The following FILIP1 variants were observed in gnomAD, a reference collection of about 807,000 sequenced individuals.
The protein encoded by FILIP1 is filamin A interacting protein 1.
FILIP1 carries 61 observed loss-of-function variants against 102.1 expected under a neutral mutation model. The observed-to-expected ratio is 0.60, with a 90% confidence interval of 0.49 to 0.74. The LOEUF (loss-of-function observed/expected upper bound fraction) is 0.74, where lower values mean the gene tolerates loss of function less well. Ranked by LOEUF, FILIP1 falls within the 30% of genes least tolerant of loss-of-function variation. FILIP1 has a pLI of 0.00. For synonymous variants in FILIP1, 491 were observed against 526.9 expected, an observed-to-expected ratio of 0.93 and a Z score of 0.93; for missense variants, 1,314 against 1,441.2, an observed-to-expected ratio of 0.91 and a Z score of 1.43.
intron 2 of FILIP1, among the ~76,000 whole-genome samples, chr6:75,373,421 A>T (rs1157167960): frequency 1.3e-5 from 2 of 152,250 alleles, no homozygotes; most frequent in Non-Finnish European, 2.9e-5. Context: ...AAAGATGGTT[A>T]AAATGGTCAA....
At chr6:75,420,560 T>C (rs1382031860) in intron 1 of FILIP1, among the ~76,000 whole-genome samples, 2 of 152,182 alleles carry the variant, frequency 1.3e-5, no homozygotes, top group African/African-American at 4.8e-5. Flanking sequence ...CAAAAAATTG[T>C]ATTTCCAGTC....
intron 1 of FILIP1, among the ~76,000 whole-genome samples, chr6:75,477,598 TAGAG>T (rs1050349281): frequency 9.3e-5 from 14 of 151,148 alleles, no homozygotes; most frequent in East Asian, 1.9e-4. Context: ...CCTAAAAAAA[TAGAG>T]AGAAAGAAAA....
chr6:75,421,896 T>C (rs970509410), intron 1 of FILIP1, among the ~76,000 whole-genome samples: 1 of 152,170 alleles, frequency 6.6e-6, no homozygotes, highest in Non-Finnish European at 1.5e-5. Context: ...CCAGGACTCA[T>C]GTCTCATGAG....
intron 2 of FILIP1, among the ~76,000 whole-genome samples, chr6:75,410,503 C>T (rs1269841895): frequency 6.6e-6 from 1 of 151,996 alleles, no homozygotes; most frequent in Non-Finnish European, 1.5e-5. Context: ...CACCCATCAA[C>T]CCTTCATCTA....
chr6:75,382,816 G>A (rs1238119342), intron 2 of FILIP1, among the ~76,000 whole-genome samples: 1 of 152,212 alleles, frequency 6.6e-6, no homozygotes, highest in Admixed American at 6.5e-5. Flanking sequence ...GGGGGATCTT[G>A]TGAATCTGCA....
At position 75,353,732 on chromosome 6, in the gene FILIP1, A is replaced by G. The variant is rs753836534; in HGVS notation, c.451-15T>C. 5.6e-6 allele frequency: 9 copies of G among 1,610,944 alleles called. No individual in the cohort carries two copies. The highest frequency in any genetic ancestry group is 2.2e-5 in the East Asian group (1 of 44,898). ...AGTCTGTCCAGCTGAATAAGCAAAC[A>G]TGGGAAAGGGCTTAATATTTTATTG... On this transcript the variant is annotated splice_polypyrimidine_tract_variant and intron_variant, in intron 3 of 5. Transcript: ENST00000237172.
At chr6:75,318,552 C>G (rs1773524757) in intron 4 of FILIP1, among the ~76,000 whole-genome samples, 1 of 152,018 alleles carries the variant, frequency 6.6e-6, no homozygotes, top group East Asian at 1.9e-4. Flanking sequence ...TCTTTTATAA[C>G]ACTTAATCAA....
intron 2 of FILIP1, among the ~76,000 whole-genome samples, chr6:75,376,867 G>A (rs925142916): frequency 6.6e-6 from 1 of 152,184 alleles, no homozygotes; most frequent in Non-Finnish European, 1.5e-5. Context: ...GGGATTTAAA[G>A]AGGCAGCTCC....
At chr6:75,475,171 T>G (rs1000821291) in intron 1 of FILIP1, among the ~76,000 whole-genome samples, 1 of 152,216 alleles carries the variant, frequency 6.6e-6, no homozygotes, top group Admixed American at 6.5e-5. Flanking sequence ...TTAAAGTGAG[T>G]ATAATTAAAA....
chr6:75,339,187 A>G (rs560745107), intron 4 of FILIP1, among the ~76,000 whole-genome samples: 3 of 152,174 alleles, frequency 2.0e-5, no homozygotes, highest in Non-Finnish European at 4.4e-5. Flanking sequence ...GGCTGTAACT[A>G]TTGATGGAAA....
At chr6:75,320,102 A>C in intron 4 of FILIP1, 1 of 197,920 alleles carries the variant, frequency 5.1e-6, no homozygotes. Context: ...TAATTTTTTT[A>C]ATGTCTGCCT....
chr6:75,307,473 T>C (rs1337040156), downstream of FILIP1, among the ~76,000 whole-genome samples: 1 of 152,208 alleles, frequency 6.6e-6, no homozygotes, highest in Non-Finnish European at 1.5e-5. Flanking sequence ...CTCAGTTGGC[T>C]CAAAAATGTC....
At chr6:75,457,723 G>A (rs1778891645) in intron 1 of FILIP1, among the ~76,000 whole-genome samples, 1 of 151,618 alleles carries the variant, frequency 6.6e-6, no homozygotes, top group Admixed American at 6.6e-5. Context: ...AAAAGGAATG[G>A]TCATTGTGTG....
intron 3 of FILIP1, among the ~76,000 whole-genome samples, chr6:75,354,483 G>A (rs1279000533): frequency 6.7e-6 from 1 of 150,304 alleles, no homozygotes; most frequent in Non-Finnish European, 1.5e-5. Flanking sequence ...AGGCAGGAGA[G>A]TGGCTTGATC....
At position 75,493,737 on chromosome 6, in the gene FILIP1, G is replaced by A. The variant is rs1413597449; in HGVS notation, c.-330C>T. On this transcript the variant is annotated 5_prime_UTR_variant, in exon 1 of 6. Coordinates refer to ENST00000237172, the MANE Select transcript of FILIP1 (RefSeq NM_015687.5). ...TTCTACTGTTGCTAGGTGTTGTTGG[G>A]TTCGGAGATTAGGTTTCTCCTCTTC... 2.0e-5 allele frequency: 3 copies of A among 152,160 alleles called. No homozygotes were observed. The highest frequency in any genetic ancestry group is 7.2e-5 in the African/African-American group (3 of 41,440). The allele number at this position is 152,160 out of a possible 1,614,324, so 9.4% of individuals were successfully genotyped here.
intron 1 of FILIP1, among the ~76,000 whole-genome samples, chr6:75,464,055 T>C (rs1779099119): frequency 6.6e-6 from 1 of 152,216 alleles, no homozygotes; most frequent in South Asian, 2.1e-4. Flanking sequence ...GAGGTCATTC[T>C]GGCACAGATG....
At chr6:75,435,984 T>C (rs1778006511) in intron 1 of FILIP1, among the ~76,000 whole-genome samples, 1 of 152,126 alleles carries the variant, frequency 6.6e-6, no homozygotes, top group Admixed American at 6.5e-5. Context: ...AATGGGATTT[T>C]CTTGTTAATT....
At chr6:75,492,992 C>A (rs1403048423) in intron 1 of FILIP1, among the ~76,000 whole-genome samples, 2 of 152,192 alleles carry the variant, frequency 1.3e-5, no homozygotes, top group Non-Finnish European at 2.9e-5. Context: ...GCGGGACTTT[C>A]CTCTCATTTA....
chr6:75,461,468 TTCAG>T (rs1220223996), intron 1 of FILIP1, among the ~76,000 whole-genome samples: 3 of 152,232 alleles, frequency 2.0e-5, no homozygotes, highest in African/African-American at 7.2e-5. Context: ...ATGGATTTTT[TTCAG>T]TCAATGTAAT....
Sources: allele counts gnomAD v4.1 joint callset (sites outside exome capture counted in the v4.1 genomes callset), GRCh38; gene constraint gnomAD v4.1.1; transcripts MANE v1.5; gene names NCBI Gene and HGNC (gene_info 2026-07-23, HGNC 2026-07-21).